LRRTM3: variants seen among roughly 807,000 people sequenced by gnomAD.
LRRTM3 encodes the protein leucine-rich repeat transmembrane neuronal protein 3.
LRRTM3 carries 24 observed loss-of-function variants against 44.7 expected under a neutral mutation model. The ratio of observed to expected loss-of-function variants is 0.54; its 90% CI spans 0.39 to 0.76. The LOEUF (loss-of-function observed/expected upper bound fraction) is 0.76. Among genes scored for constraint, LRRTM3 ranks in the 30% least tolerant of loss-of-function variants. The probability of loss-of-function intolerance (pLI) is 0.00; values close to 1 mark genes in which losing one functional copy is unlikely to be tolerated. For missense variants in LRRTM3, 587 were observed against 702.2 expected, an observed-to-expected ratio of 0.84 and a Z score of 1.85; for synonymous variants, 277 against 278.7, an observed-to-expected ratio of 0.99 and a Z score of 0.06.
At chr10:67,042,899 T>C (rs114389835) in intron 2 of LRRTM3, among the ~76,000 whole-genome samples, 147 of 152,230 alleles carry the variant, frequency 9.7e-4, no homozygotes, top group African/African-American at 3.3e-3. Flanking sequence ...TTAACTATAT[T>C]TCCTGTAACA....
At chr10:66,929,863 T>A (rs1847273826) in intron 2 of LRRTM3, among the ~76,000 whole-genome samples, 1 of 152,220 alleles carries the variant, frequency 6.6e-6, no homozygotes, top group African/African-American at 2.4e-5. Flanking sequence ...TTTAGAAAGA[T>A]ATATTTAGTC....
intron 2 of LRRTM3, among the ~76,000 whole-genome samples, chr10:67,037,513 A>C (rs1854135184): frequency 6.6e-6 from 1 of 152,138 alleles, no homozygotes; most frequent in South Asian, 2.1e-4. Context: ...GTTTAGGTAG[A>C]GGAGTGATCA....
At chr10:66,957,380 G>C (rs1848847329) in intron 2 of LRRTM3, among the ~76,000 whole-genome samples, 1 of 61,688 alleles carries the variant, frequency 1.6e-5, no homozygotes, top group Non-Finnish European at 3.3e-5. Context: ...GAATATGTGT[G>C]TGTATATATA....
intron 2 of LRRTM3, among the ~76,000 whole-genome samples, chr10:66,986,263 CGA>C (rs1564813577): frequency 6.6e-6 from 1 of 151,882 alleles, no homozygotes; most frequent in Non-Finnish European, 1.5e-5. Flanking sequence ...TTTGAGAGGC[CGA>C]GGCAGGCAGT....
At chr10:66,973,607 T>G (rs1849850352) in intron 2 of LRRTM3, among the ~76,000 whole-genome samples, 1 of 152,208 alleles carries the variant, frequency 6.6e-6, no homozygotes, top group African/African-American at 2.4e-5. Flanking sequence ...CACTCTCAAA[T>G]AATTTTGTTA....
intron 2 of LRRTM3, among the ~76,000 whole-genome samples, chr10:67,039,668 A>T (rs1854276141): frequency 6.6e-6 from 1 of 152,140 alleles, no homozygotes; most frequent in African/African-American, 2.4e-5. Flanking sequence ...ATCATGACAG[A>T]ACACCAGCAT....
At chr10:67,035,564 T>G (rs148259003) in intron 2 of LRRTM3, among the ~76,000 whole-genome samples, 1 of 152,156 alleles carries the variant, frequency 6.6e-6, no homozygotes, top group African/African-American at 2.4e-5. Context: ...GAGAACTTTT[T>G]GACACACAAT....
At chr10:67,097,464 T>C in intron 2 of LRRTM3, 123 bp from the exon 3 acceptor site, 1 of 770,702 alleles carries the variant, frequency 1.3e-6, no homozygotes, top group Non-Finnish European at 2.2e-6. Context: ...TAGGGACACC[T>C]GGGCCACAGG....
In LRRTM3 at chr10:67,043,408, T is replaced by C. The variant is rs542495773; in HGVS notation, c.1537-54179T>C. ...GCCAAAACATGCTACTGAAACCCTT[T>C]ATTTGTTCCACAGAAAGAAATGATC... On this transcript the variant is annotated intron_variant, in intron 2 of 2. Transcript: ENST00000361320. 1.4e-4 allele frequency among the ~76,000 whole-genome samples: 22 copies of C among 152,266 alleles called. 1 individual carries two copies. In the East Asian group the frequency reaches 3.7e-3, roughly 25 times the overall value.
chr10:67,058,825 T>G (rs926509535), intron 2 of LRRTM3, among the ~76,000 whole-genome samples: 3 of 152,168 alleles, frequency 2.0e-5, no homozygotes, highest in African/African-American at 7.2e-5. Context: ...TCTAGGCTGT[T>G]TTCTAATGAT....
At chr10:67,079,858 A>AACACACACAC (rs199928311) in intron 2 of LRRTM3, among the ~76,000 whole-genome samples, 2 of 141,362 alleles carry the variant, frequency 1.4e-5, no homozygotes, top group South Asian at 4.7e-4. Context: ...AAAAAAACAA[A>AACACACACAC]ACACACACAC....
intron 2 of LRRTM3, among the ~76,000 whole-genome samples, chr10:67,068,433 G>A (rs577780974): frequency 3.3e-5 from 5 of 152,288 alleles, no homozygotes; most frequent in Admixed American, 6.5e-5. Flanking sequence ...AGTTGAATAC[G>A]TAAGACTAGA....
intron 2 of LRRTM3, among the ~76,000 whole-genome samples, chr10:66,973,887 G>T (rs1270027136): frequency 6.6e-6 from 1 of 152,160 alleles, no homozygotes; most frequent in Admixed American, 6.5e-5. Flanking sequence ...CTCCCAAAGT[G>T]CTGGGATTAC....
rs527337277 is a variant in LRRTM3 at position 67,030,753 on chromosome 10, C to T, written c.1537-66834C>T. 2.6e-5 allele frequency among the ~76,000 whole-genome samples: 4 copies of T among 152,224 alleles called. No homozygotes were observed. The East Asian group carries it at 7.7e-4, about 29-fold the overall frequency. Reference sequence around the variant, plus strand: ...AGATGCGGTGGCTCACGCCTGTGATCCCAGCACTTTGGGAGGCCGAGGTGG... The same window carrying T: ...AGATGCGGTGGCTCACGCCTGTGATTCCAGCACTTTGGGAGGCCGAGGTGG... On this transcript the variant is annotated intron_variant, in intron 2 of 2. Coordinates refer to ENST00000361320, the MANE Select transcript of LRRTM3 (RefSeq NM_178011.5).
chr10:66,928,442 G>C lies in LRRTM3; in HGVS notation c.1526G>C (p.Arg509Thr). 6.2e-7 allele frequency: 1 copy of C among 1,606,514 alleles called. No homozygotes were observed. Among genetic ancestry groups the C allele is most frequent in the Non-Finnish European group, 8.5e-7 (1 of 1,177,282 alleles). ...TGCACCTATAACAAATCGGGCTCCA[G>C]GGAGTGTGAGGTATGAACCATTGTG... is the stretch of plus-strand genomic sequence containing the variant. ...GPCTYNKSGS[R>T]ECEIPLSMNV... is the part of the protein sequence containing the mutation. Residue 509 changes from arginine to threonine, a missense_variant, in exon 2 of 3, where the codon AGG becomes ACG. Arg to Thr is a moderately conservative substitution (Grantham distance 71, BLOSUM62 -1). Transcript: ENST00000361320.
intron 2 of LRRTM3, among the ~76,000 whole-genome samples, chr10:67,067,009 T>G (rs1856134056): frequency 6.6e-6 from 1 of 152,296 alleles, no homozygotes; most frequent in Non-Finnish European, 1.5e-5. Context: ...TATAGGCAAT[T>G]ATGTGTCAAT....
At chr10:67,028,665 A>AG (rs201834763) in intron 2 of LRRTM3, among the ~76,000 whole-genome samples, 1 of 146,140 alleles carries the variant, frequency 6.8e-6, no homozygotes, top group Admixed American at 6.8e-5. Context: ...AAAAAAAAAA[A>AG]GTTCTTGGAG....
chr10:66,927,252 A>G lies in LRRTM3; in HGVS notation c.336A>G (p.Lys112=). 1 of 1,614,154 alleles carries G rather than the reference A, an allele frequency of 6.2e-7. No individual in the cohort carries two copies. Among genetic ancestry groups the G allele is most frequent in the South Asian group, 1.1e-5 (1 of 91,090 alleles). ...CTTTTAATGGAATACGCAGACTCAA[A>G]GAGCTGATTCTTAGTTCCAATAGAA... ...ENAFNGIRRL[K]ELILSSNRIS... is the part of the protein sequence containing the mutation. The change falls in exon 2 of 3, where the codon AAA becomes AAG. Residue 112 remains lysine (K), a synonymous_variant. Transcript: ENST00000361320. This position sits in a 1 kb window ranked among gnomAD's most constrained non-coding sequence, Gnocchi z 4.7.
intron 2 of LRRTM3, among the ~76,000 whole-genome samples, chr10:67,054,233 T>C (rs1855287543): frequency 6.6e-6 from 1 of 152,000 alleles, no homozygotes; most frequent in African/African-American, 2.4e-5. Context: ...TGTACCCCAA[T>C]AATATAAATT....
Sources: allele counts gnomAD v4.1 joint callset (sites outside exome capture counted in the v4.1 genomes callset), GRCh38; gene constraint gnomAD v4.1.1; non-coding constraint Gnocchi (gnomAD v3.1); transcripts MANE v1.5; gene names NCBI Gene and HGNC (gene_info 2026-07-23, HGNC 2026-07-21).